The following CYRIB variants were observed in gnomAD, a reference collection of about 807,000 sequenced individuals.
The protein encoded by CYRIB is CYFIP-related Rac1 interactor B.
A neutral mutation model predicts 44.2 loss-of-function variants in CYRIB; 8 were observed. That is an observed-to-expected ratio of 0.18 (90% CI 0.11 to 0.33). The LOEUF is 0.33. Among genes scored for constraint, CYRIB ranks in the 10% least tolerant of loss-of-function variants. The pLI is 1.00. For synonymous variants in CYRIB, 131 were observed against 127.2 expected (o/e 1.03, Z -0.20); for missense variants, 185 against 382.8 (o/e 0.48, Z 4.31).
At chr8:130,003,462 C>A (rs558259751) in intron 1 of CYRIB, among the ~76,000 whole-genome samples, 1 of 152,180 alleles carries the variant, frequency 6.6e-6, no homozygotes, top group South Asian at 2.1e-4. Context: ...GGCATCACAG[C>A]GCAGGGTCAG....
At chr8:129,932,951 C>T (rs2091942514) in intron 1 of CYRIB, among the ~76,000 whole-genome samples, 1 of 152,074 alleles carries the variant, frequency 6.6e-6, no homozygotes, top group Non-Finnish European at 1.5e-5. Flanking sequence ...TGAAATTAGC[C>T]ACCCAAATGG....
At chr8:129,991,430 A>G (rs2096631124) in intron 1 of CYRIB, among the ~76,000 whole-genome samples, 1 of 152,012 alleles carries the variant, frequency 6.6e-6, no homozygotes, top group South Asian at 2.1e-4. Context: ...CCATTCATGG[A>G]TTATGGGTTG....
At chr8:130,016,669 C>G (rs2097355929), upstream of CYRIB, 1 of 148,978 alleles carries the variant, frequency 6.7e-6, no homozygotes, top group Non-Finnish European at 1.5e-5. Flanking sequence ...CGACGCGCCT[C>G]CCCCCGCGCC....
chr8:129,999,315 C>A (rs2096854785), intron 1 of CYRIB, among the ~76,000 whole-genome samples: 1 of 152,224 alleles, frequency 6.6e-6, no homozygotes, highest in Non-Finnish European at 1.5e-5. Context: ...TGCTGAACTG[C>A]ATCCACCAGG....
At chr8:129,894,253 T>G (rs930096418) in intron 2 of CYRIB, among the ~76,000 whole-genome samples, 2 of 152,220 alleles carry the variant, frequency 1.3e-5, no homozygotes, top group African/African-American at 4.8e-5. Context: ...CCCAAGTGCT[T>G]CCATCAATTC....
intron 1 of CYRIB, among the ~76,000 whole-genome samples, chr8:129,933,921 A>ACC (rs2092291723): frequency 6.7e-6 from 1 of 148,714 alleles, no homozygotes; most frequent in Non-Finnish European, 1.5e-5. Flanking sequence ...GAAGAAGAAG[A>ACC]ACCTGATGTG....
intron 1 of CYRIB, among the ~76,000 whole-genome samples, chr8:129,926,547 T>C (rs79858119): frequency 2.0e-5 from 3 of 152,230 alleles, no homozygotes; most frequent in Non-Finnish European, 4.4e-5. Context: ...GTATGCACCA[T>C]ATAAAATCAT....
chr8:129,965,802 A>C (rs2095456319), intron 2 of CYRIB, among the ~76,000 whole-genome samples: 1 of 151,834 alleles, frequency 6.6e-6, no homozygotes, highest in African/African-American at 2.4e-5. Flanking sequence ...TCTCAAAAAA[A>C]AAAAAGAATA....
At chr8:129,938,469 G>A (rs891076829) in intron 1 of CYRIB, among the ~76,000 whole-genome samples, 2 of 152,034 alleles carry the variant, frequency 1.3e-5, no homozygotes, top group Non-Finnish European at 2.9e-5. Context: ...GAGATTAAGG[G>A]GTAAAAAGGT....
chr8:129,898,780 T>C (rs998098762), intron 2 of CYRIB, among the ~76,000 whole-genome samples: 8 of 152,234 alleles, frequency 5.3e-5, no homozygotes, highest in African/African-American at 1.9e-4. Context: ...CTTACAGTGC[T>C]AAAAAGAGTC....
At chr8:129,873,012 G>A (rs191609154) in intron 3 of CYRIB, among the ~76,000 whole-genome samples, 60 of 151,980 alleles carry the variant, frequency 3.9e-4, no homozygotes, top group Middle Eastern at 3.4e-3. Flanking sequence ...TAATAAACCT[G>A]CCAAATAGTC....
intron 1 of CYRIB, among the ~76,000 whole-genome samples, chr8:130,002,564 G>A (rs754453948): frequency 5.9e-5 from 9 of 151,974 alleles, no homozygotes; most frequent in Non-Finnish European, 1.2e-4. Context: ...ATGAGAGAAA[G>A]GGAAAGAATA....
At chr8:129,912,522 G>C (rs375802984) in intron 1 of CYRIB, 7 of 151,342 alleles carry the variant, frequency 4.6e-5, no homozygotes, top group African/African-American at 1.7e-4. Context: ...CACCCTAACA[G>C]ATTAAAAGAA....
At chr8:129,915,405 A>G (rs922197961) in intron 1 of CYRIB, among the ~76,000 whole-genome samples, 4 of 152,234 alleles carry the variant, frequency 2.6e-5, no homozygotes, top group Non-Finnish European at 4.4e-5. Flanking sequence ...ATATTGTATG[A>G]GTCCTCATAT....
intron 2 of CYRIB, among the ~76,000 whole-genome samples, chr8:129,883,050 G>A (rs1160127765): frequency 1.5e-5 from 2 of 133,220 alleles, no homozygotes; most frequent in East Asian, 5.0e-4. Flanking sequence ...GGCGGCAGTT[G>A]TAGGGAGCCA....
chr8:129,974,942 C>T (rs1022374520), intron 1 of CYRIB, among the ~76,000 whole-genome samples: 3 of 150,608 alleles, frequency 2.0e-5, no homozygotes, highest in African/African-American at 7.4e-5. Context: ...TGCAGTGGTG[C>T]GATCTTGGCT....
At chr8:129,930,135 C>T (rs969417286) in intron 1 of CYRIB, among the ~76,000 whole-genome samples, 2 of 151,394 alleles carry the variant, frequency 1.3e-5, no homozygotes, top group Non-Finnish European at 2.9e-5. Flanking sequence ...CACTTGAACC[C>T]GGGAGGCGGA....
chr8:129,865,715 A>G (rs768332772), intron 4 of CYRIB, among the ~76,000 whole-genome samples: 3 of 152,242 alleles, frequency 2.0e-5, no homozygotes, highest in Non-Finnish European at 1.5e-5. Context: ...CTCTATAGAA[A>G]TCAATGGATA....
intron 1 of CYRIB, among the ~76,000 whole-genome samples, chr8:129,931,156 AAAAAG>A (rs2091150086): frequency 6.6e-6 from 1 of 151,702 alleles, no homozygotes; most frequent in African/African-American, 2.4e-5. Flanking sequence ...CCCTAAAAAA[AAAAAG>A]AAAGAAAGAA....
Sources: allele counts gnomAD v4.1 joint callset (sites outside exome capture counted in the v4.1 genomes callset), GRCh38; gene constraint gnomAD v4.1.1; transcripts MANE v1.5; gene names NCBI Gene and HGNC (gene_info 2026-07-23, HGNC 2026-07-21).